PRKAR1A: variants seen among roughly 807,000 people sequenced by gnomAD.
PRKAR1A encodes cAMP-dependent protein kinase type I-alpha regulatory subunit.
Under a neutral mutation model 52.0 loss-of-function variants are expected in PRKAR1A, and 3 were observed. The ratio of observed to expected loss-of-function variants is 0.06; its 90% CI spans 0.03 to 0.15. PRKAR1A has a LOEUF of 0.15. Among genes scored for constraint, PRKAR1A ranks in the 10% least tolerant of loss-of-function variants. The probability of loss-of-function intolerance (pLI) is 1.00; values close to 1 mark genes in which losing one functional copy is unlikely to be tolerated. For synonymous variants in PRKAR1A, 188 were observed against 168.4 expected (o/e 1.12, Z -0.90); for missense variants, 240 against 477.4 (o/e 0.50, Z 4.63).
the PRKAR1A span, among the ~76,000 whole-genome samples, chr17:68,466,210 G>A: frequency 2.5e-4 from 38 of 152,172 alleles, no homozygotes; most frequent in African/African-American, 8.4e-4. Flanking sequence ...GGGAGTCCCC[G>A]GAAATGCCTC....
chr17:68,485,878 A>G, the PRKAR1A span, among the ~76,000 whole-genome samples: 2 of 152,142 alleles, frequency 1.3e-5, no homozygotes, highest in African/African-American at 4.8e-5. Flanking sequence ...AGCGGGGATT[A>G]CAGATGCGTG....
At chr17:68,529,653 G>T (rs1485128284) in intron 9 of PRKAR1A, among the ~76,000 whole-genome samples, 1 of 152,248 alleles carries the variant, frequency 6.6e-6, no homozygotes, top group Non-Finnish European at 1.5e-5. Context: ...ATTTGCGAAA[G>T]AGACAGTGAG....
the PRKAR1A span, among the ~76,000 whole-genome samples, chr17:68,423,437 G>A: frequency 3.9e-5 from 6 of 152,188 alleles, no homozygotes; most frequent in African/African-American, 7.2e-5. This position sits in a 1 kb window ranked among gnomAD's most constrained non-coding sequence, Gnocchi z 4.4. Flanking sequence ...GCAGGCTGGA[G>A]GGCAGACTGA....
Position 68,543,656 on chromosome 17 carries a change from G to T in PRKAR1A, c.974-7428G>T. On this transcript the variant is annotated intron_variant, in intron 11 of 11. Transcript: ENST00000585981. Reference sequence around the variant, plus strand: ...GTCCAGATGGAAAGCTGCGATCTCAGCATTGTGTCTCTGAAAGTCAATGAA... The same window carrying T: ...GTCCAGATGGAAAGCTGCGATCTCATCATTGTGTCTCTGAAAGTCAATGAA... 1 of 1,614,118 alleles carries T rather than the reference G, an allele frequency of 6.2e-7. No individual in the cohort carries two copies. Among genetic ancestry groups the T allele is most frequent in the Non-Finnish European group, 8.5e-7 (1 of 1,179,996 alleles).
chr17:68,486,723 G>T, the PRKAR1A span, among the ~76,000 whole-genome samples: 334 of 151,360 alleles, frequency 2.2e-3, 1 homozygote, highest in Middle Eastern at 6.8e-3. Flanking sequence ...GTGTACTTTT[G>T]CTCTGGAATG....
chr17:68,524,731 T>A (rs980744568), intron 5 of PRKAR1A, among the ~76,000 whole-genome samples, 181 bp from the exon 6 acceptor site: 5 of 152,194 alleles, frequency 3.3e-5, no homozygotes, highest in Non-Finnish European at 5.9e-5. Context: ...ACTAAAAAAA[T>A]TTTGATTAAT....
chr17:68,542,925 G>A lies in PRKAR1A; in HGVS notation c.974-8159G>A, dbSNP rs144942126. ...GGCTGGTGTACCCAGGAGGGTGGCCGGTGAGGCGTGACTCTGCACTGTTGA... is the reference window on the plus strand; with the variant it reads ...GGCTGGTGTACCCAGGAGGGTGGCCAGTGAGGCGTGACTCTGCACTGTTGA... On this transcript the variant is annotated intron_variant, in intron 11 of 11. Transcript: ENST00000585981. 1.3e-3 allele frequency: 981 copies of A among 776,322 alleles called. 3 individuals are homozygous for A. The highest frequency in any genetic ancestry group is 0.01 in the African/African-American group (617 of 58,918). The allele number at this position is 776,322 out of a possible 1,614,324, so 48.1% of individuals were successfully genotyped here.
At chr17:68,500,875 T>A in the PRKAR1A span, among the ~76,000 whole-genome samples, 1 of 152,138 alleles carries the variant, frequency 6.6e-6, no homozygotes, top group African/African-American at 2.4e-5. Context: ...GTGAAAGTGC[T>A]CAGGTAAGGA....
At chr17:68,499,968 A>G in the PRKAR1A span, among the ~76,000 whole-genome samples, 1 of 152,212 alleles carries the variant, frequency 6.6e-6, no homozygotes, top group Admixed American at 6.5e-5. Flanking sequence ...TCACTTCCTA[A>G]TCATCCAAAC....
chr17:68,458,532 A>G, the PRKAR1A span, among the ~76,000 whole-genome samples: 1 of 152,196 alleles, frequency 6.6e-6, no homozygotes, highest in Non-Finnish European at 1.5e-5. Context: ...TATCTAAACA[A>G]GACCTATCCG....
chr17:68,508,741 TG>T (rs2085227589), upstream of PRKAR1A, among the ~76,000 whole-genome samples: 1 of 152,250 alleles, frequency 6.6e-6, no homozygotes, highest in South Asian at 2.1e-4. Context: ...TATTTTTACT[TG>T]GAACGCTTTA....
chr17:68,532,565 C>A lies in PRKAR1A; in HGVS notation c.*2116C>A. 2.8e-6 allele frequency: 3 copies of A among 1,065,934 alleles called. No individual in the cohort carries two copies. The highest frequency in any genetic ancestry group is 3.4e-6 in the Non-Finnish European group (3 of 879,478). 66.0% of individuals were successfully genotyped at this position (1,065,934 alleles called of 1,614,324 possible). The stretch of plus-strand genomic sequence containing the variant: ...AATTTGTCTTAGTTGATATTCAAGG[C>A]TTTAAAAGTCATTATTCCTGGGCTT... On this transcript the variant is annotated 3_prime_UTR_variant, in exon 11 of 11. Transcript: ENST00000589228.
At position 68,532,473 on chromosome 17, in the gene PRKAR1A, A is replaced by G. The variant is rs1028087523; in HGVS notation, c.*2024A>G. ...AACTTTAAAGATAAGTCTACATTAA[A>G]CAATGATCACATCTAAAGCTTTATC... On this transcript the variant is annotated 3_prime_UTR_variant, in exon 11 of 11. Coordinates refer to ENST00000589228, the MANE Select transcript of PRKAR1A (RefSeq NM_002734.5). The G allele has an allele frequency of 6.6e-5, 70 of 1,061,252 alleles. No individual in the cohort carries two copies. Among genetic ancestry groups the G allele is most frequent in the Admixed American group, 1.1e-4 (2 of 18,742 alleles). 65.7% of individuals were successfully genotyped at this position (1,061,252 alleles called of 1,614,324 possible).
At chr17:68,481,053 T>C in the PRKAR1A span, among the ~76,000 whole-genome samples, 1 of 152,238 alleles carries the variant, frequency 6.6e-6, no homozygotes, top group Non-Finnish European at 1.5e-5. Context: ...CCTACCCAGT[T>C]ATAGCAACAG....
the PRKAR1A span, chr17:68,428,600 A>G: frequency 2.1e-6 from 1 of 470,602 alleles, no homozygotes; most frequent in East Asian, 4.0e-5. Context: ...TGAGGGGGAG[A>G]CCATCTTGTG....
chr17:68,419,159 G>A, the PRKAR1A span, among the ~76,000 whole-genome samples: 1 of 152,108 alleles, frequency 6.6e-6, no homozygotes, highest in Non-Finnish European at 1.5e-5. Context: ...AACCCAAAGT[G>A]AAATGACTCA....
intron 11 of PRKAR1A, chr17:68,543,723 T>TGGAA (rs777740586): frequency 3.3e-5 from 53 of 1,608,396 alleles, no homozygotes; most frequent in South Asian, 2.7e-4. Context: ...CGCTGCTGTC[T>TGGAA]GGAAGGAAGG....
At chr17:68,492,915 A>G in the PRKAR1A span, among the ~76,000 whole-genome samples, 1 of 152,172 alleles carries the variant, frequency 6.6e-6, no homozygotes, top group Non-Finnish European at 1.5e-5. Context: ...TCTGTCATTG[A>G]TGGACATTTA....
At chr17:68,483,439 C>A in the PRKAR1A span, among the ~76,000 whole-genome samples, 29 of 152,246 alleles carry the variant, frequency 1.9e-4, 1 homozygote, top group East Asian at 5.0e-3. Flanking sequence ...TGAGATGACG[C>A]CACTGCACTC....
Sources: gnomAD v4.1 joint callset for allele counts (sites outside exome capture counted in the v4.1 genomes callset) on GRCh38, gnomAD v4.1.1 for gene constraint, Gnocchi (gnomAD v3.1) non-coding constraint, MANE v1.5 for transcripts, NCBI Gene and HGNC (gene_info 2026-07-23, HGNC 2026-07-21) for gene names.